Variants in MKLN1 observed in about 807,000 individuals in gnomAD.
MKLN1 encodes the protein muskelin.
A neutral mutation model predicts 99.0 loss-of-function variants in MKLN1; 18 were observed. That is an observed-to-expected ratio of 0.18 (90% CI 0.13 to 0.27). The LOEUF (loss-of-function observed/expected upper bound fraction) is 0.27, where lower values mean the gene tolerates loss of function less well. Ranked by LOEUF, MKLN1 falls within the 10% of genes least tolerant of loss-of-function variation. The probability of loss-of-function intolerance (pLI) is 1.00; values close to 1 mark genes in which losing one functional copy is unlikely to be tolerated. For missense variants in MKLN1, 621 were observed against 875.9 expected, an observed-to-expected ratio of 0.71 and a Z score of 3.67; for synonymous variants, 288 against 293.2, an observed-to-expected ratio of 0.98 and a Z score of 0.18.
intron 1 of MKLN1, among the ~76,000 whole-genome samples, chr7:131,366,006 C>T (rs970918505): frequency 2.3e-4 from 35 of 152,082 alleles, no homozygotes; most frequent in African/African-American, 8.5e-4. Context: ...TGTGAAAGCT[C>T]TTCATAGAAA....
Position 131,115,389 on chromosome 7 carries a change from C to T in MKLN1, c.-419+5182C>T, listed in dbSNP as rs145114427. 6.2e-3 allele frequency among the ~76,000 whole-genome samples: 949 copies of T among 152,320 alleles called. 4 individuals carry two copies. Among genetic ancestry groups the T allele is most frequent in the Admixed American group, 0.012 (187 of 15,306 alleles). The stretch of plus-strand genomic sequence containing the variant: ...CAAAACATTTCCAAAATGTCTCTTT[C>T]GGTCTCCACTGCTACCACCCTAATA... On this transcript the variant is annotated intron_variant, in intron 1 of 7. Transcript: ENST00000416992.
chr7:131,346,346 A>G (rs1372112903), intron 1 of MKLN1, among the ~76,000 whole-genome samples: 1 of 152,126 alleles, frequency 6.6e-6, no homozygotes, highest in Non-Finnish European at 1.5e-5. Context: ...AACATGGTGA[A>G]ACCTGTCTCT....
At chr7:131,234,892 T>C (rs1797293628) in intron 3 of MKLN1, among the ~76,000 whole-genome samples, 1 of 152,202 alleles carries the variant, frequency 6.6e-6, no homozygotes, top group Non-Finnish European at 1.5e-5. Flanking sequence ...CTACATTTGC[T>C]GTCTAATTCA....
upstream of MKLN1, among the ~76,000 whole-genome samples, chr7:131,324,857 A>T (rs1200260662): frequency 6.6e-6 from 1 of 152,196 alleles, no homozygotes; most frequent in Non-Finnish European, 1.5e-5. Context: ...TCTTTTCTTA[A>T]CATTTAAACA....
chr7:131,415,501 A>G (rs989623692), intron 8 of MKLN1, among the ~76,000 whole-genome samples: 2 of 152,174 alleles, frequency 1.3e-5, no homozygotes, highest in South Asian at 2.1e-4. Flanking sequence ...ATTTATTTTC[A>G]TAATTTTTGT....
At chr7:131,238,320 T>C (rs187255147) in intron 3 of MKLN1, among the ~76,000 whole-genome samples, 7 of 152,320 alleles carry the variant, frequency 4.6e-5, no homozygotes, top group Admixed American at 3.9e-4. Context: ...GTGACTGATA[T>C]AGTAGTGAAT....
chr7:131,235,969 G>A (rs532067348), intron 3 of MKLN1, among the ~76,000 whole-genome samples: 1 of 152,292 alleles, frequency 6.6e-6, no homozygotes, highest in East Asian at 1.9e-4. Flanking sequence ...AGTGTGCCCA[G>A]ATCGAGTTAT....
chr7:131,221,198 C>CA (rs1248137572), intron 3 of MKLN1, among the ~76,000 whole-genome samples: 1 of 146,908 alleles, frequency 6.8e-6, no homozygotes, highest in Non-Finnish European at 1.5e-5. Context: ...GGTGACAGTA[C>CA]AGACATGGAG....
In MKLN1 at chr7:131,409,973, AT is replaced by A. The variant is rs556390035; in HGVS notation, c.704-1324del. ...AGATATTCCAGAGGAATAAAAGTAGATTTTTTTTTCTGTATGTCTCTTTAGA... is the reference window on the plus strand; with the variant it reads ...AGATATTCCAGAGGAATAAAAGTAGATTTTTTTTCTGTATGTCTCTTTAGA... On this transcript the variant is annotated intron_variant, in intron 6 of 17. Coordinates refer to ENST00000352689, the MANE Select transcript of MKLN1 (RefSeq NM_013255.5). 4.6e-3 allele frequency among the ~76,000 whole-genome samples: 705 copies of A among 151,740 alleles called. 6 individuals are homozygous for A. Among genetic ancestry groups the A allele is most frequent in the African/African-American group, 0.016 (657 of 41,380 alleles).
At position 131,192,742 on chromosome 7, in the gene MKLN1, G is replaced by A. The variant is rs1413133510; in HGVS notation, c.-296-10115G>A. The stretch of plus-strand genomic sequence containing the variant: ...TTTTTAGTACAGATGGGGTTTCACC[G>A]GGTTGGCCAGGCTGGTCTCGAACTC... On this transcript the variant is annotated intron_variant, in intron 2 of 7. Coordinates refer to the MKLN1 transcript ENST00000416992. Among the ~76,000 whole-genome samples the A allele has an allele frequency of 4.0e-5, 6 of 151,574 alleles. No homozygotes were observed. In the South Asian group the frequency reaches 6.2e-4, roughly 16 times the overall value.
chr7:131,328,054 G>A (rs368864053), intron 1 of MKLN1, 57 bp downstream of exon 1: 19 of 1,575,500 alleles, frequency 1.2e-5, no homozygotes, highest in Non-Finnish European at 1.2e-5. Flanking sequence ...GCACGGTTGG[G>A]CCAGGGGTGC....
intron 12 of MKLN1, among the ~76,000 whole-genome samples, chr7:131,461,691 T>C (rs1796518416): frequency 6.6e-6 from 1 of 152,236 alleles, no homozygotes; most frequent in Non-Finnish European, 1.5e-5. Context: ...AATATTTCAC[T>C]TCAATCTGAT....
At chr7:131,402,017 AT>A (rs1274878054) in intron 6 of MKLN1, among the ~76,000 whole-genome samples, 1 of 152,050 alleles carries the variant, frequency 6.6e-6, no homozygotes, top group East Asian at 1.9e-4. Flanking sequence ...CAAAAATGAA[AT>A]TTGCTGCATC....
chr7:131,318,458 T>A (rs1798711001), intron 3 of MKLN1, among the ~76,000 whole-genome samples: 1 of 152,114 alleles, frequency 6.6e-6, no homozygotes, highest in South Asian at 2.1e-4. Context: ...TAAAGCAGTG[T>A]TAAGATGGAA....
At chr7:131,299,481 T>C (rs1206038869) in intron 3 of MKLN1, among the ~76,000 whole-genome samples, 1 of 152,172 alleles carries the variant, frequency 6.6e-6, no homozygotes, top group Non-Finnish European at 1.5e-5. Context: ...GAGAGAAATA[T>C]AATATTTTCA....
At position 131,496,246 on chromosome 7, in the gene MKLN1, A is replaced by G. The variant is rs943941960; in HGVS notation, c.*8518A>G. 1 of 152,084 alleles carries G rather than the reference A, an allele frequency of 6.6e-6. No homozygotes were observed. The allele number at this position is 152,084 out of a possible 1,614,324, so 9.4% of individuals were successfully genotyped here. ...TCCTAAAGTATCCACATGGTCTTAA[A>G]TGGAAATCATGGGACTCTGGAAAGC... is the stretch of plus-strand genomic sequence containing the variant. On this transcript the variant is annotated 3_prime_UTR_variant, in exon 18 of 18. Coordinates refer to ENST00000352689, the MANE Select transcript of MKLN1 (RefSeq NM_013255.5).
At chr7:131,116,752 A>T (rs567490553) in intron 1 of MKLN1, among the ~76,000 whole-genome samples, 1 of 152,256 alleles carries the variant, frequency 6.6e-6, no homozygotes, top group South Asian at 2.1e-4. Context: ...TCAAAGAAAT[A>T]CAATGGATCT....
intron 9 of MKLN1, among the ~76,000 whole-genome samples, chr7:131,436,357 C>T (rs1380871526): frequency 6.6e-6 from 1 of 152,170 alleles, no homozygotes; most frequent in African/African-American, 2.4e-5. Flanking sequence ...CTCTGTCAGT[C>T]ATTCATCAGG....
chr7:131,221,875 T>C (rs1434307449), intron 3 of MKLN1, among the ~76,000 whole-genome samples: 1 of 151,954 alleles, frequency 6.6e-6, no homozygotes, highest in Non-Finnish European at 1.5e-5. Context: ...TGACAGACAC[T>C]GTTCAGACAC....
Sources: gnomAD v4.1 joint callset for allele counts (sites outside exome capture counted in the v4.1 genomes callset) on GRCh38, gnomAD v4.1.1 for gene constraint, MANE v1.5 for transcripts, NCBI Gene and HGNC (gene_info 2026-07-23, HGNC 2026-07-21) for gene names.